SNX10: variants seen among roughly 807,000 people sequenced by gnomAD.
SNX10 encodes the protein sorting nexin-10.
In SNX10, 25 loss-of-function variants were observed where a neutral mutation model predicts 28.5. The ratio of observed to expected loss-of-function variants is 0.88; its 90% CI spans 0.64 to 1.22. The LOEUF (loss-of-function observed/expected upper bound fraction) is 1.22. SNX10 is among the 50% of genes most tolerant of loss of function. The pLI, the probability that SNX10 is intolerant of heterozygous loss-of-function variation, is 0.00. For missense variants in SNX10, 223 were observed against 242.6 expected (o/e 0.92, Z 0.54); for synonymous variants, 62 against 81.4 (o/e 0.76, Z 1.28).
At chr7:26,305,919 ATCTCTC>A (rs1302776284) in intron 1 of SNX10, among the ~76,000 whole-genome samples, 3 of 151,934 alleles carry the variant, frequency 2.0e-5, no homozygotes, top group African/African-American at 7.3e-5. Context: ...TTTAGACAGA[ATCTCTC>A]TCTCTGTCGC....
chr7:26,364,426 G>C lies in SNX10; in HGVS notation c.112-109G>C, dbSNP rs1789208560. The stretch of plus-strand genomic sequence containing the variant: ...GCATAAATATAAATATATGTTTGGT[G>C]GTTTAAATCCTATTTAGAGTGAATG... On this transcript the variant is annotated intron_variant, in intron 3 of 6. Transcript: ENST00000338523. This position sits in a 1 kb window ranked among gnomAD's most constrained non-coding sequence, Gnocchi z 4.9. 4.2e-6 allele frequency: 6 copies of C among 1,417,428 alleles called. No individual in the cohort carries two copies. The South Asian group carries it at 9.9e-5, about 23-fold the overall frequency. 87.8% of individuals were successfully genotyped at this position (1,417,428 alleles called of 1,614,324 possible).
chr7:26,354,114 A>G lies in SNX10; in HGVS notation c.25-6861A>G, dbSNP rs576199833. The G allele has an allele frequency of 1.4e-4, 22 of 152,306 alleles. No homozygotes were observed. In the East Asian group the frequency reaches 4.2e-3, roughly 29 times the overall value. 9.4% of individuals were successfully genotyped at this position (152,306 alleles called of 1,614,324 possible). On this transcript the variant is annotated intron_variant, in intron 2 of 6. Coordinates refer to ENST00000338523, the MANE Select transcript of SNX10 (RefSeq NM_013322.3). ...GATTCAAACTAAGCTATGATGGAAA[A>G]TTTTAAAAAACACACCTATCACAAT... is the stretch of plus-strand genomic sequence containing the variant.
chr7:26,306,515 T>A lies in SNX10; in HGVS notation c.-24+14429T>A, dbSNP rs183693403. Among the ~76,000 whole-genome samples the A allele has an allele frequency of 2.2e-3, 337 of 151,752 alleles. 2 individuals are homozygous for A. Among genetic ancestry groups the A allele is most frequent in the African/African-American group, 7.8e-3 (324 of 41,382 alleles). On this transcript the variant is annotated intron_variant, in intron 1 of 6. Coordinates refer to ENST00000338523, the MANE Select transcript of SNX10 (RefSeq NM_013322.3). ...CAGCTTCCTGAGCTCAGGTGATCTCTTACCTCAGCCTCCTGAGTGGCTGAG... is the reference window on the plus strand; with the variant it reads ...CAGCTTCCTGAGCTCAGGTGATCTCATACCTCAGCCTCCTGAGTGGCTGAG...
chr7:26,345,781 G>T (rs1426559121), intron 1 of SNX10, among the ~76,000 whole-genome samples: 7 of 152,084 alleles, frequency 4.6e-5, no homozygotes, highest in Non-Finnish European at 4.4e-5. Flanking sequence ...TTTGTTTTTG[G>T]CAGGGAGCAG....
rs1359207436 is a variant in SNX10 at position 26,309,370 on chromosome 7, A to C, written c.-24+17284A>C. 1.1e-4 allele frequency among the ~76,000 whole-genome samples: 6 copies of C among 57,136 alleles called. No homozygotes were observed. In the South Asian group the frequency reaches 4.6e-3, roughly 44 times the overall value. The allele number at this position is 57,136 out of a possible 152,430, so 37.5% of individuals were successfully genotyped here. On this transcript the variant is annotated intron_variant, in intron 1 of 6. Coordinates refer to ENST00000338523, the MANE Select transcript of SNX10 (RefSeq NM_013322.3). Reference sequence around the variant, plus strand: ...TCAAGGAGTGTTACTTAATCATCCAAAAAAAAAAAAAAAATCCCTCACCAG... The same window carrying C: ...TCAAGGAGTGTTACTTAATCATCCACAAAAAAAAAAAAAATCCCTCACCAG...
In SNX10 at chr7:26,358,871, C is replaced by T. The variant is rs191000547; in HGVS notation, c.25-2104C>T. On this transcript the variant is annotated intron_variant, in intron 2 of 6. Coordinates refer to ENST00000338523, the MANE Select transcript of SNX10 (RefSeq NM_013322.3). ...GCCCGGGCTGGAGTGCATTTAGTGG[C>T]GTGATCTTGCTGCAACCTCCGCCTC... Among the ~76,000 whole-genome samples the T allele has an allele frequency of 4.7e-5, 6 of 127,322 alleles. No homozygotes were observed. The East Asian group carries it at 7.2e-4, about 15-fold the overall frequency. The allele number at this position is 127,322 out of a possible 152,430, so 83.5% of individuals were successfully genotyped here. A position where few individuals can be genotyped will look rare whatever the true frequency, so the allele number is the denominator to read the frequency against.
chr7:26,366,938 G>A (rs768445150), intron 5 of SNX10, among the ~76,000 whole-genome samples: 2 of 152,154 alleles, frequency 1.3e-5, no homozygotes, highest in Non-Finnish European at 2.9e-5. Flanking sequence ...ACTGTTTGCT[G>A]GTTGTGTTTG....
At chr7:26,341,525 C>T (rs1457071909) in intron 1 of SNX10, among the ~76,000 whole-genome samples, 3 of 150,312 alleles carry the variant, frequency 2.0e-5, no homozygotes, top group Admixed American at 6.7e-5. Flanking sequence ...GATGGAGTCT[C>T]GCTCTGTTGT....
intron 1 of SNX10, among the ~76,000 whole-genome samples, chr7:26,318,764 C>A (rs1183616574): frequency 6.6e-6 from 1 of 151,834 alleles, no homozygotes; most frequent in Non-Finnish European, 1.5e-5. Context: ...AGCCACTACA[C>A]CCAGCCCATA....
intron 2 of SNX10, among the ~76,000 whole-genome samples, chr7:26,349,423 A>C (rs1005029661): frequency 2.0e-5 from 3 of 152,058 alleles, no homozygotes; most frequent in African/African-American, 7.2e-5. Context: ...GACTGTAATA[A>C]ATCTAGAAAG....
intron 5 of SNX10, among the ~76,000 whole-genome samples, chr7:26,369,163 T>C (rs1361972801): frequency 5.3e-5 from 8 of 152,228 alleles, no homozygotes; most frequent in African/African-American, 1.9e-4. Flanking sequence ...TTTATTCCTT[T>C]TATAAAGGTT....
At chr7:26,353,580 T>C (rs1788700694) in intron 2 of SNX10, among the ~76,000 whole-genome samples, 3 of 151,572 alleles carry the variant, frequency 2.0e-5, no homozygotes, top group South Asian at 4.2e-4. Context: ...GCCTCCCGAG[T>C]AGCTGGGATT....
At chr7:26,339,104 G>A (rs774655865) in intron 1 of SNX10, among the ~76,000 whole-genome samples, 1 of 152,216 alleles carries the variant, frequency 6.6e-6, no homozygotes, top group Non-Finnish European at 1.5e-5. Context: ...TCGGGAAAGG[G>A]CTGTTACCAG....
intron 2 of SNX10, among the ~76,000 whole-genome samples, chr7:26,358,489 C>CA (rs1340252657): frequency 6.6e-6 from 1 of 152,108 alleles, no homozygotes; most frequent in African/African-American, 2.4e-5. Flanking sequence ...CCTATAATCC[C>CA]AGCACTTTGG....
intron 2 of SNX10, among the ~76,000 whole-genome samples, chr7:26,356,182 C>A (rs372125643): frequency 4.6e-5 from 7 of 152,280 alleles, no homozygotes; most frequent in Admixed American, 6.5e-5. Flanking sequence ...GGAATTAGAT[C>A]TTCAAAGAGT....
intron 1 of SNX10, among the ~76,000 whole-genome samples, chr7:26,334,488 G>C (rs1201065748): frequency 6.6e-6 from 1 of 152,180 alleles, no homozygotes; most frequent in Admixed American, 6.5e-5. Flanking sequence ...GCACATGCAG[G>C]TATGTTCTCA....
chr7:26,347,021 A>G (rs985063386), intron 2 of SNX10, among the ~76,000 whole-genome samples: 13 of 152,214 alleles, frequency 8.5e-5, no homozygotes, highest in African/African-American at 3.1e-4. Flanking sequence ...CTTTGGCAGT[A>G]CGCATTGCCC....
intron 1 of SNX10, among the ~76,000 whole-genome samples, chr7:26,336,519 C>T (rs1032113437): frequency 7.2e-5 from 11 of 152,138 alleles, no homozygotes; most frequent in African/African-American, 2.4e-4. Context: ...GCCTGGCCAA[C>T]ATGGTGAAAC....
intron 1 of SNX10, among the ~76,000 whole-genome samples, chr7:26,314,413 C>G (rs1026731858): frequency 1.3e-5 from 2 of 152,070 alleles, no homozygotes; most frequent in African/African-American, 2.4e-5. Context: ...TGTCACCATG[C>G]CTGGCTAATT....
Sources: allele counts gnomAD v4.1 joint callset (sites outside exome capture counted in the v4.1 genomes callset), GRCh38; gene constraint gnomAD v4.1.1; non-coding constraint Gnocchi (gnomAD v3.1); transcripts MANE v1.5; gene names NCBI Gene and HGNC (gene_info 2026-07-23, HGNC 2026-07-21).